Variants in ANKMY1 observed in about 807,000 individuals in gnomAD.
ANKMY1 encodes the protein ankyrin repeat and MYND domain-containing protein 1.
ANKMY1 carries 98 observed loss-of-function variants against 102.0 expected under a neutral mutation model. The ratio of observed to expected loss-of-function variants is 0.96; its 90% confidence interval spans 0.82 to 1.14. The LOEUF is 1.14. Ranked by LOEUF, ANKMY1 falls within the 50% of genes most tolerant of loss-of-function variation. The pLI, the probability that ANKMY1 is intolerant of heterozygous loss-of-function variation, is 0.00. For missense variants in ANKMY1, 1,330 were observed against 1,347.6 expected (o/e 0.99, Z 0.20); for synonymous variants, 582 against 559.9 (o/e 1.04, Z -0.56).
chr2:240,521,220 C>T (rs2082180310), intron 8 of ANKMY1, among the ~76,000 whole-genome samples: 1 of 151,954 alleles, frequency 6.6e-6, no homozygotes, highest in Non-Finnish European at 1.5e-5. Context: ...GCCCACTGGC[C>T]CTGCAGTAGG....
chr2:240,514,052 C>G (rs1327965065), intron 9 of ANKMY1, among the ~76,000 whole-genome samples: 2 of 152,226 alleles, frequency 1.3e-5, no homozygotes, highest in African/African-American at 4.8e-5. Context: ...GCATCTACAA[C>G]AGTCAGCCGG....
intron 5 of ANKMY1, chr2:240,527,318 G>A (rs1210025733): frequency 6.9e-6 from 1 of 145,726 alleles, no homozygotes; most frequent in East Asian, 2.2e-4. Context: ...GGGTAGGTAG[G>A]TGGGTAGATG....
intron 15 of ANKMY1, among the ~76,000 whole-genome samples, chr2:240,492,612 T>C (rs1361865035): frequency 7.9e-5 from 12 of 152,246 alleles, no homozygotes; most frequent in Non-Finnish European, 2.9e-5. Flanking sequence ...ATTCATATCC[T>C]GAATTGTTTT....
chr2:240,485,563 A>T (rs1270271183), intron 15 of ANKMY1, among the ~76,000 whole-genome samples: 1 of 151,446 alleles, frequency 6.6e-6, no homozygotes, highest in Non-Finnish European at 1.5e-5. Flanking sequence ...TGGTCACATC[A>T]GCCTTTACCA....
chr2:240,485,339 A>T (rs1574877775), intron 15 of ANKMY1, among the ~76,000 whole-genome samples: 1 of 152,004 alleles, frequency 6.6e-6, no homozygotes, highest in East Asian at 1.9e-4. Context: ...AAGAAAAAAA[A>T]AAAGAAACAA....
In ANKMY1 at chr2:240,509,497, C is replaced by G. The variant is rs1408691686; in HGVS notation, c.2287-42G>C. The G allele has an allele frequency of 4.3e-6, 6 of 1,381,422 alleles. No homozygotes were observed. In the Admixed American group the frequency reaches 1.1e-4, roughly 26 times the overall value. The allele number at this position is 1,381,422 out of a possible 1,614,324, so 85.6% of individuals were successfully genotyped here. A position where few individuals can be genotyped will look rare whatever the true frequency, so the allele number is the denominator to read the frequency against. On this transcript the variant is annotated intron_variant, in intron 11 of 17. Transcript: ENST00000401804. ...GACAGGTTAGAGAGGCACCCCCACC[C>G]ATAAGCAGCACCTGATGGTAGTCAT...
At chr2:240,558,672 C>T (rs1575414786), upstream of ANKMY1, 1 of 152,204 alleles carries the variant, frequency 6.6e-6, no homozygotes, top group Non-Finnish European at 1.5e-5. Flanking sequence ...TTTCTCAACC[C>T]AGACTGCCTC....
intron 4 of ANKMY1, among the ~76,000 whole-genome samples, chr2:240,541,786 G>C (rs1382560589): frequency 6.6e-6 from 1 of 152,146 alleles, no homozygotes; most frequent in Admixed American, 6.5e-5. Flanking sequence ...ACAGGCGTGA[G>C]CCACCACGCT....
chr2:240,537,317 T>C (rs1473611972), intron 4 of ANKMY1, among the ~76,000 whole-genome samples: 2 of 152,244 alleles, frequency 1.3e-5, no homozygotes, highest in African/African-American at 2.4e-5. Flanking sequence ...CCTCGCCTAT[T>C]GTCTTCATGT....
intron 4 of ANKMY1, among the ~76,000 whole-genome samples, chr2:240,545,569 G>T (rs1027115929): frequency 9.2e-5 from 14 of 152,052 alleles, no homozygotes; most frequent in Non-Finnish European, 1.6e-4. Flanking sequence ...TCCAAGCTAC[G>T]GGAGGAAATT....
At position 240,483,949 on chromosome 2, in the gene ANKMY1, T is replaced by C. The variant is rs578075726; in HGVS notation, c.2807-1688A>G. ...GAACATGAGGTGTTTGGTTTTCTGTTCCTGTGTTAGTTTGCTAAGAATGGT... is the reference window on the plus strand; with the variant it reads ...GAACATGAGGTGTTTGGTTTTCTGTCCCTGTGTTAGTTTGCTAAGAATGGT... On this transcript the variant is annotated intron_variant, in intron 15 of 17. Transcript: ENST00000401804. Among the ~76,000 whole-genome samples, 111 of 152,322 alleles carry C rather than the reference T, an allele frequency of 7.3e-4. 2 individuals are homozygous for C. Among genetic ancestry groups the C allele is most frequent in the African/African-American group, 2.6e-3 (107 of 41,568 alleles).
chr2:240,507,238 C>A (rs867271792), intron 13 of ANKMY1, among the ~76,000 whole-genome samples: 2 of 152,102 alleles, frequency 1.3e-5, no homozygotes, highest in Admixed American at 6.5e-5. Context: ...ACCCACCGCC[C>A]GCCAGGAATG....
At chr2:240,507,742 A>T (rs762584097) in intron 12 of ANKMY1, 51 bp from the exon 13 acceptor site, 1 of 1,541,920 alleles carries the variant, frequency 6.5e-7, no homozygotes, top group African/African-American at 1.4e-5. Context: ...ACTTCCCCTG[A>T]CAGAGGGGAA....
intron 4 of ANKMY1, among the ~76,000 whole-genome samples, chr2:240,536,560 A>G (rs1247271541): frequency 1.3e-5 from 2 of 152,226 alleles, no homozygotes; most frequent in South Asian, 2.1e-4. Flanking sequence ...CCAGGTGGTA[A>G]TAAGAATTCA....
At position 240,509,364 on chromosome 2, in the gene ANKMY1, G is replaced by T; in HGVS notation, c.2378C>A (p.Ala793Asp). 1 of 1,613,312 alleles carries T rather than the reference G, an allele frequency of 6.2e-7. No individual in the cohort carries two copies. The highest frequency in any genetic ancestry group is 1.1e-5 in the South Asian group (1 of 90,994). Residue 793 changes from alanine to aspartate, a missense_variant, in exon 12 of 18, where the codon GCC (alanine) becomes GAC (aspartate). Physicochemically the swap from Ala to Asp is moderately radical, Grantham distance 126. Coordinates refer to ENST00000401804, the MANE Select transcript of ANKMY1 (RefSeq NM_001282771.3). ...CATGCTCACCAGCTCATTCCCACTG[G>T]CAATGGACAGGGAGAGCGGGGAGTG... ...SGHSPLSLSI[A>D]SGNELVVKEL... is the part of the protein sequence containing the mutation.
chr2:240,491,913 G>A (rs1461217331), intron 15 of ANKMY1, among the ~76,000 whole-genome samples: 3 of 151,862 alleles, frequency 2.0e-5, no homozygotes, highest in African/African-American at 7.3e-5. Context: ...TCTTCCTGTG[G>A]TTCATTTGAA....
In ANKMY1 at chr2:240,529,335, C is replaced by T. The variant is rs1196080047; in HGVS notation, c.655G>A (p.Ala219Thr). 1 of 1,614,176 alleles carries T rather than the reference C, an allele frequency of 6.2e-7. No homozygotes were observed. The change falls in exon 5 of 18, where the codon GCC (alanine) becomes ACC (threonine). Residue 219 changes from alanine (A) to threonine (T), a missense_variant. Physicochemically the swap from Ala to Thr is moderately conservative, Grantham distance 58 (BLOSUM62 0). Coordinates refer to ENST00000401804, the MANE Select transcript of ANKMY1 (RefSeq NM_001282771.3). This position sits in a 1 kb window ranked among gnomAD's most constrained non-coding sequence, Gnocchi z 4.2. ...TCCTCTTCTGAGAGGCTGATCCTGGCAGGGCTGTGGGTGATGAAGCTGGAG... is the reference window on the plus strand; with the variant it reads ...TCCTCTTCTGAGAGGCTGATCCTGGTAGGGCTGTGGGTGATGAAGCTGGAG... The part of the protein sequence containing the change: ...EFSSFITHSP[A>T]RISLSEEEKT...
At chr2:240,507,433 C>A in intron 13 of ANKMY1, 127 bp downstream of exon 13, 1 of 1,229,304 alleles carries the variant, frequency 8.1e-7, no homozygotes, top group Non-Finnish European at 1.1e-6. Context: ...CCTTATACCC[C>A]TCACCCAGGG....
Position 240,499,561 on chromosome 2 carries a change from G to T in ANKMY1, c.2806+397C>A, listed in dbSNP as rs888279063. ...AGCTGGGGACATGTAGGGGTGTGCA[G>T]GATGCACCCTGTAGGGAGGGGTGTG... On this transcript the variant is annotated intron_variant, in intron 15 of 17. Coordinates refer to ENST00000401804, the MANE Select transcript of ANKMY1 (RefSeq NM_001282771.3). This position sits in a 1 kb window ranked among gnomAD's most constrained non-coding sequence, Gnocchi z 4.2. 1.1e-4 allele frequency among the ~76,000 whole-genome samples: 17 copies of T among 152,088 alleles called. No individual in the cohort carries two copies. The East Asian group carries it at 1.5e-3, about 14-fold the overall frequency.
Sources: allele counts gnomAD v4.1 joint callset (sites outside exome capture counted in the v4.1 genomes callset), GRCh38; gene constraint gnomAD v4.1.1; non-coding constraint Gnocchi (gnomAD v3.1); transcripts MANE v1.5; gene names NCBI Gene and HGNC (gene_info 2026-07-23, HGNC 2026-07-21).